The following PHF21A variants were observed in gnomAD, a reference collection of about 807,000 sequenced individuals.
PHF21A encodes the protein PHD finger protein 21A.
PHF21A carries 11 observed loss-of-function variants against 82.5 expected under a neutral mutation model. The observed-to-expected ratio is 0.13, with a 90% CI of 0.08 to 0.22. The LOEUF (loss-of-function observed/expected upper bound fraction) is 0.22, where lower values mean the gene tolerates loss of function less well. PHF21A is among the 10% of genes least tolerant of loss of function. PHF21A has a pLI of 1.00. For missense variants in PHF21A, 579 were observed against 837.8 expected (o/e 0.69, Z 3.81); for synonymous variants, 297 against 302.8 (o/e 0.98, Z 0.20).
At chr11:45,995,557 G>A (rs2094878460) in intron 6 of PHF21A, among the ~76,000 whole-genome samples, 1 of 152,192 alleles carries the variant, frequency 6.6e-6, no homozygotes, top group South Asian at 2.1e-4. Flanking sequence ...TAGAGTGGTT[G>A]AGCAGTTCAT....
At chr11:46,047,628 T>C (rs2096276615) in intron 6 of PHF21A, among the ~76,000 whole-genome samples, 1 of 152,212 alleles carries the variant, frequency 6.6e-6, no homozygotes, top group Non-Finnish European at 1.5e-5. Context: ...CTGAAAGATA[T>C]TATTTTTTCT....
intron 1 of PHF21A, among the ~76,000 whole-genome samples, chr11:46,095,576 T>G (rs964765765): frequency 6.6e-6 from 1 of 152,128 alleles, no homozygotes; most frequent in Non-Finnish European, 1.5e-5. Flanking sequence ...TCTCCAGAAC[T>G]TCACAGGTAA....
At chr11:46,058,036 A>T (rs2096484630) in intron 6 of PHF21A, among the ~76,000 whole-genome samples, 1 of 152,170 alleles carries the variant, frequency 6.6e-6, no homozygotes, top group Non-Finnish European at 1.5e-5. Context: ...CAACCTGGAG[A>T]ACTCTAGTCC....
chr11:46,117,642 A>T (rs1851720667), intron 1 of PHF21A, among the ~76,000 whole-genome samples: 1 of 152,264 alleles, frequency 6.6e-6, no homozygotes, highest in African/African-American at 2.4e-5. Context: ...TCCTATTTGT[A>T]TTAATATTAT....
intron 6 of PHF21A, among the ~76,000 whole-genome samples, chr11:45,985,020 G>GT (rs2094445276): frequency 6.6e-6 from 1 of 152,120 alleles, no homozygotes; most frequent in Admixed American, 6.5e-5. Context: ...ATGCAGAAAG[G>GT]TATCAAATCT....
In PHF21A at chr11:46,115,787, T is replaced by C. The variant is rs186418177; in HGVS notation, c.-237+5148A>G. Among the ~76,000 whole-genome samples, 50 of 152,298 alleles carry C rather than the reference T, an allele frequency of 3.3e-4. No homozygotes were observed. In the East Asian group the frequency reaches 7.5e-3, roughly 23 times the overall value. ...TTCCTTCCCTTCTCTGTTTGAATAG[T>C]AATTAAATACAAAAGCCTTCAGCAA... On this transcript the variant is annotated intron_variant, in intron 1 of 18. Coordinates refer to ENST00000676320, the MANE Select transcript of PHF21A (RefSeq NM_001352027.3).
chr11:46,100,814 C>T (rs907259497), intron 1 of PHF21A, among the ~76,000 whole-genome samples: 1 of 152,300 alleles, frequency 6.6e-6, no homozygotes, highest in African/African-American at 2.4e-5. Context: ...CAACTGCAGA[C>T]ATATGTACAA....
At chr11:45,984,475 G>A (rs547286655) in intron 6 of PHF21A, among the ~76,000 whole-genome samples, 32 of 152,286 alleles carry the variant, frequency 2.1e-4, no homozygotes, top group African/African-American at 6.3e-4. Flanking sequence ...AGGTAGTCAC[G>A]GTGATCAATA....
Position 46,013,636 on chromosome 11 carries a change from G to C in PHF21A, c.154-33670C>G, listed in dbSNP as rs116455470. ...AAATGCATCCTTAGGTCATTTCATT[G>C]CTGTGCGAACATCATACAATGTACT... On this transcript the variant is annotated intron_variant, in intron 6 of 18. Coordinates refer to ENST00000676320, the MANE Select transcript of PHF21A (RefSeq NM_001352027.3). Among the ~76,000 whole-genome samples the C allele has an allele frequency of 9.7e-3, 1,482 of 152,190 alleles. 19 individuals are homozygous for C. The highest frequency in any genetic ancestry group is 0.031 in the African/African-American group (1,306 of 41,496).
intron 6 of PHF21A, among the ~76,000 whole-genome samples, chr11:46,073,424 C>G (rs1416174997): frequency 1.3e-5 from 2 of 151,952 alleles, no homozygotes; most frequent in African/African-American, 4.8e-5. Flanking sequence ...TGAACTATGC[C>G]TGAAACAGAC....
intron 6 of PHF21A, among the ~76,000 whole-genome samples, chr11:46,031,943 C>T (rs1297619013): frequency 2.0e-5 from 3 of 152,132 alleles, no homozygotes; most frequent in Admixed American, 1.3e-4. Context: ...ACACAGTTAC[C>T]CAATTTTCCC....
chr11:46,013,740 G>C (rs2095458744), intron 6 of PHF21A, among the ~76,000 whole-genome samples: 1 of 152,142 alleles, frequency 6.6e-6, no homozygotes, highest in Admixed American at 6.5e-5. Flanking sequence ...CTAAACCTAG[G>C]AGCAGGTTAC....
chr11:46,020,445 T>C (rs2095605861), intron 6 of PHF21A, among the ~76,000 whole-genome samples: 1 of 152,172 alleles, frequency 6.6e-6, no homozygotes, highest in African/African-American at 2.4e-5. Flanking sequence ...ACCGTGTACA[T>C]ACGCAGCGGA....
intron 6 of PHF21A, among the ~76,000 whole-genome samples, chr11:46,010,757 TC>T (rs1367863153): frequency 2.0e-5 from 3 of 152,166 alleles, no homozygotes; most frequent in Non-Finnish European, 4.4e-5. Context: ...GCCTCTCTTT[TC>T]CCCTTATCTT....
At chr11:46,114,798 GA>G (rs971444010) in intron 1 of PHF21A, among the ~76,000 whole-genome samples, 21 of 152,106 alleles carry the variant, frequency 1.4e-4, no homozygotes, top group African/African-American at 5.1e-4. Context: ...ATCTGCAGCA[GA>G]AAAAAAATCA....
At chr11:46,060,916 T>C (rs2096527713) in intron 6 of PHF21A, among the ~76,000 whole-genome samples, 1 of 152,222 alleles carries the variant, frequency 6.6e-6, no homozygotes, top group African/African-American at 2.4e-5. Flanking sequence ...ATTGCTGAGG[T>C]TATCTACCAG....
At chr11:46,039,719 A>G (rs556548685) in intron 6 of PHF21A, among the ~76,000 whole-genome samples, 2 of 152,360 alleles carry the variant, frequency 1.3e-5, no homozygotes, top group Admixed American at 1.3e-4. Context: ...CAAAAGGTCA[A>G]TATTATAAAG....
rs185259012 is a variant in PHF21A, at chr11:46,044,030, T to C, written c.153+32724A>G. Among the ~76,000 whole-genome samples the C allele has an allele frequency of 3.7e-4, 57 of 152,278 alleles. 3 individuals carry two copies. In the East Asian group the frequency reaches 0.011, roughly 29 times the overall value. ...ATTGTGGTTAACAGCTGTAAATTTG[T>C]TTTTACCTTCATAGAGTAACAATGC... is the stretch of plus-strand genomic sequence containing the variant. On this transcript the variant is annotated intron_variant, in intron 6 of 18. Transcript: ENST00000676320.
At chr11:46,005,727 A>G (rs1255621371) in intron 6 of PHF21A, among the ~76,000 whole-genome samples, 1 of 152,204 alleles carries the variant, frequency 6.6e-6, no homozygotes, top group South Asian at 2.1e-4. Flanking sequence ...AGCAATGAAT[A>G]AAAGAATAAT....
Sources: allele counts gnomAD v4.1 joint callset (sites outside exome capture counted in the v4.1 genomes callset), GRCh38; gene constraint gnomAD v4.1.1; transcripts MANE v1.5; gene names NCBI Gene and HGNC (gene_info 2026-07-23, HGNC 2026-07-21).